The following LAMA2 variants were observed in gnomAD, a reference collection of about 807,000 sequenced individuals.
LAMA2 encodes laminin subunit alpha-2.
In LAMA2, 269 loss-of-function variants were observed where a neutral mutation model predicts 364.8. The observed-to-expected ratio is 0.74, with a 90% CI of 0.67 to 0.82. The LOEUF (loss-of-function observed/expected upper bound fraction) is 0.82, where lower values mean the gene tolerates loss of function less well. Ranked by LOEUF, LAMA2 falls within the 40% of genes least tolerant of loss-of-function variation. LAMA2 has a pLI of 0.00. For missense variants in LAMA2, 3,807 were observed against 3,873.2 expected, an observed-to-expected ratio of 0.98 and a Z score of 0.45; for synonymous variants, 1,379 against 1,370.6, an observed-to-expected ratio of 1.01 and a Z score of -0.14.
chr6:129,381,153 A>G (rs958818033), intron 34 of LAMA2, among the ~76,000 whole-genome samples: 6 of 152,304 alleles, frequency 3.9e-5, no homozygotes, highest in African/African-American at 1.2e-4. Context: ...TCTGTACCAT[A>G]AGAGACACTA....
intron 37 of LAMA2, among the ~76,000 whole-genome samples, chr6:129,394,092 T>A (rs2437096): frequency 0.67 from 101,421 of 152,068 alleles, 34,199 homozygotes; most frequent in Non-Finnish European, 0.7. Flanking sequence ...CATAGTAAAT[T>A]ATCACTTTTC....
rs551504451 is a variant in LAMA2, at chr6:129,417,357, A to G, written c.5866-10395A>G. Among the ~76,000 whole-genome samples, 388 of 152,224 alleles carry G rather than the reference A, an allele frequency of 2.5e-3. 3 individuals are homozygous for G. The highest frequency in any genetic ancestry group is 3.6e-3 in the Non-Finnish European group (245 of 68,002). Reference sequence around the variant, plus strand: ...AGCACCCTCAACAGAGGTGAGACACACAGTGGGTAGCTCCTATCCACAGGT... The same window carrying G: ...AGCACCCTCAACAGAGGTGAGACACGCAGTGGGTAGCTCCTATCCACAGGT... On this transcript the variant is annotated intron_variant, in intron 40 of 64. Coordinates refer to ENST00000421865, the MANE Select transcript of LAMA2 (RefSeq NM_000426.4).
At chr6:129,050,563 C>A (rs1354703049) in intron 2 of LAMA2, among the ~76,000 whole-genome samples, 2 of 152,080 alleles carry the variant, frequency 1.3e-5, no homozygotes, top group Non-Finnish European at 2.9e-5. Context: ...TAAGTAAAGG[C>A]TTGCCAGAAG....
chr6:129,074,465 A>G (rs4612193), intron 3 of LAMA2, among the ~76,000 whole-genome samples: 144,941 of 152,228 alleles, frequency 0.95, 69,084 homozygotes, highest in East Asian at 0.97. Context: ...CAGCAAATCA[A>G]TAAAAGTACC....
intron 40 of LAMA2, among the ~76,000 whole-genome samples, chr6:129,425,155 AATG>A (rs1482664737): frequency 6.6e-6 from 1 of 152,044 alleles, no homozygotes; most frequent in Non-Finnish European, 1.5e-5. Flanking sequence ...ATTCAAAAGA[AATG>A]ATGGATATAT....
chr6:129,396,636 G>C (rs946156625), intron 37 of LAMA2, among the ~76,000 whole-genome samples: 1 of 152,110 alleles, frequency 6.6e-6, no homozygotes, highest in African/African-American at 2.4e-5. Flanking sequence ...GACGTCATGG[G>C]AAGAAAAGAG....
At chr6:129,375,992 C>G (rs1778354416) in intron 34 of LAMA2, among the ~76,000 whole-genome samples, 1 of 152,206 alleles carries the variant, frequency 6.6e-6, no homozygotes, top group African/African-American at 2.4e-5. Context: ...TATGGTGACT[C>G]TTTGTAAGCC....
intron 1 of LAMA2, among the ~76,000 whole-genome samples, chr6:128,957,384 G>A (rs1781217051): frequency 1.3e-5 from 2 of 152,256 alleles, no homozygotes; most frequent in Admixed American, 6.5e-5. Context: ...TTGATATGGT[G>A]TTAATTCTTT....
intron 51 of LAMA2, among the ~76,000 whole-genome samples, chr6:129,471,968 C>G (rs1394449932): frequency 1.3e-5 from 2 of 151,830 alleles, no homozygotes; most frequent in East Asian, 3.9e-4. Context: ...TGATGTTTCT[C>G]TCTGTTTTCC....
intron 38 of LAMA2, 149 bp from the exon 39 acceptor site, chr6:129,402,175 T>G: frequency 6.6e-6 from 4 of 607,240 alleles, no homozygotes; most frequent in Non-Finnish European, 1.1e-5. Context: ...CACCACTGCA[T>G]TCCAGCCTGG....
chr6:128,969,307 A>G (rs1782043536), intron 1 of LAMA2, among the ~76,000 whole-genome samples: 2 of 152,210 alleles, frequency 1.3e-5, no homozygotes, highest in Admixed American at 1.3e-4. Context: ...ATTACCACTA[A>G]CATTCCAATT....
chr6:128,925,151 A>C (rs1457260269), intron 1 of LAMA2, among the ~76,000 whole-genome samples: 1 of 152,214 alleles, frequency 6.6e-6, no homozygotes, highest in Non-Finnish European at 1.5e-5. Flanking sequence ...GGATCCAACA[A>C]TTCCACTTCT....
At chr6:129,149,666 C>T (rs1778679007) in intron 7 of LAMA2, among the ~76,000 whole-genome samples, 2 of 152,058 alleles carry the variant, frequency 1.3e-5, no homozygotes, top group South Asian at 4.1e-4. Context: ...CAAAATGTTC[C>T]CCACCTATAA....
At chr6:129,263,014 A>C (rs773257064) in intron 15 of LAMA2, among the ~76,000 whole-genome samples, 7 of 152,110 alleles carry the variant, frequency 4.6e-5, no homozygotes, top group Non-Finnish European at 7.4e-5. Flanking sequence ...TCTTACTTTC[A>C]TAGTGCTGTC....
intron 1 of LAMA2, among the ~76,000 whole-genome samples, chr6:128,990,355 A>G (rs1450388485): frequency 1.3e-5 from 2 of 152,244 alleles, no homozygotes; most frequent in South Asian, 2.1e-4. Context: ...GAATAAAACA[A>G]TAACAAATAG....
chr6:129,113,868 G>A (rs1234424574), intron 4 of LAMA2, among the ~76,000 whole-genome samples: 1 of 151,880 alleles, frequency 6.6e-6, no homozygotes, highest in Admixed American at 6.6e-5. Flanking sequence ...CCATGGTAAG[G>A]CCCTACACTA....
intron 3 of LAMA2, among the ~76,000 whole-genome samples, chr6:129,060,127 G>T (rs1788795889): frequency 6.6e-6 from 1 of 152,174 alleles, no homozygotes; most frequent in African/African-American, 2.4e-5. Flanking sequence ...GCTTAGAAAT[G>T]AATTAGGTGC....
chr6:129,391,533 C>T lies in LAMA2; in HGVS notation c.5114C>T (p.Thr1705Ile), dbSNP rs1779319535. The change falls in exon 36 of 65, where the codon ACT (threonine) becomes ATT (isoleucine). Residue 1705 changes from threonine (T) to isoleucine (I), a missense_variant. Around this residue, in one of 3 missense-constraint regions of LAMA2, gnomAD observed 3,333 missense variants for 3,345.7 expected, o/e 1.00. Transcript: ENST00000421865. ...ATAAAACTAAATGAAACTCTAGGAA[C>T]TCGAGACGAGGCCTTTGAGAGAAAT... Reference protein sequence around the residue: ...KAIKLNETLGTRDEAFERNLE... With the variant: ...KAIKLNETLGIRDEAFERNLE... 3.7e-6 allele frequency: 6 copies of T among 1,613,950 alleles called. No individual in the cohort carries two copies. The South Asian group carries it at 6.6e-5, about 18-fold the overall frequency.
At chr6:129,454,091 C>A in intron 46 of LAMA2, 64 bp from the exon 47 acceptor site, 1 of 1,400,670 alleles carries the variant, frequency 7.1e-7, no homozygotes, top group Non-Finnish European at 1.0e-6. Context: ...AAACACTCTG[C>A]TGGTCTCCTC....
Sources: gnomAD v4.1 joint callset for allele counts (sites outside exome capture counted in the v4.1 genomes callset) on GRCh38, gnomAD v4.1.1 for gene constraint, gnomAD v4.1.1 regional missense constraint, MANE v1.5 for transcripts, NCBI Gene and HGNC (gene_info 2026-07-23, HGNC 2026-07-21) for gene names.